The following FOXP2 variants were observed in gnomAD, a reference collection of about 807,000 sequenced individuals.
FOXP2 encodes forkhead box P2, also known as forkhead box protein P2.
FOXP2 carries 12 observed loss-of-function variants against 115.8 expected under a neutral mutation model. That is an observed-to-expected ratio of 0.10 (90% CI 0.07 to 0.17). The LOEUF is 0.17. Ranked by LOEUF, FOXP2 falls within the 10% of genes least tolerant of loss-of-function variation. FOXP2 has a pLI of 1.00. For synonymous variants in FOXP2, 328 were observed against 297.7 expected (o/e 1.10, Z -1.05); for missense variants, 629 against 843.5 (o/e 0.75, Z 3.15).
At chr7:114,109,962 A>C (rs1419310622) in intron 1 of FOXP2, among the ~76,000 whole-genome samples, 1 of 152,170 alleles carries the variant, frequency 6.6e-6, no homozygotes, top group Non-Finnish European at 1.5e-5. Context: ...AAAGTGAAGT[A>C]AGTAATCTAA....
chr7:114,622,448 G>A (rs1450121684), intron 3 of FOXP2, among the ~76,000 whole-genome samples: 1 of 151,870 alleles, frequency 6.6e-6, no homozygotes, highest in Non-Finnish European at 1.5e-5. Context: ...TTACTTCTCT[G>A]CTTTCATCTT....
intron 3 of FOXP2, among the ~76,000 whole-genome samples, chr7:114,548,820 T>C (rs1800060113): frequency 6.6e-6 from 1 of 152,194 alleles, no homozygotes; most frequent in African/African-American, 2.4e-5. Context: ...CTGGATAGTT[T>C]AACTAAATGA....
intron 1 of FOXP2, among the ~76,000 whole-genome samples, chr7:114,423,360 G>T (rs765433864): frequency 1.1e-4 from 16 of 151,536 alleles, no homozygotes; most frequent in Admixed American, 4.6e-4. Context: ...TCTGTACAGT[G>T]ACTTGCTTAA....
At chr7:114,307,689 T>C (rs144619803) in intron 2 of FOXP2, among the ~76,000 whole-genome samples, 1 of 152,300 alleles carries the variant, frequency 6.6e-6, no homozygotes, top group African/African-American at 2.4e-5. Context: ...TCAAAGCCAA[T>C]TGGGCATCAG....
In FOXP2 at chr7:114,691,877, CA is replaced by C. The variant is rs1808683348; in HGVS notation, c.*1955del. The C allele has an allele frequency of 2.3e-6, 1 of 435,476 alleles. No individual in the cohort carries two copies. Among genetic ancestry groups the C allele is most frequent in the Non-Finnish European group, 4.5e-6 (1 of 222,012 alleles). 27.0% of individuals were successfully genotyped at this position (435,476 alleles called of 1,614,324 possible). ...CCAAATAAAAGGACATAACGGCTTT[CA>C]AAAGGGTTTTCCCACTTACCCAAAA... On this transcript the variant is annotated 3_prime_UTR_variant, in exon 17 of 17. Transcript: ENST00000350908.
intron 2 of FOXP2, among the ~76,000 whole-genome samples, chr7:114,478,246 ACT>A (rs1796374247): frequency 6.6e-6 from 1 of 151,728 alleles, no homozygotes; most frequent in Admixed American, 6.6e-5. Context: ...ATTTCACCAA[ACT>A]CTACAATACC....
intron 3 of FOXP2, among the ~76,000 whole-genome samples, chr7:114,611,544 G>A (rs1410050763): frequency 1.3e-5 from 2 of 152,140 alleles, no homozygotes; most frequent in Admixed American, 6.5e-5. Flanking sequence ...GAAGCTTAGG[G>A]AAAAACAACT....
intron 2 of FOXP2, among the ~76,000 whole-genome samples, chr7:114,385,115 G>GGGAAC (rs1175706308): frequency 6.6e-6 from 1 of 151,736 alleles, no homozygotes; most frequent in Non-Finnish European, 1.5e-5. Flanking sequence ...AAGGGTGGTG[G>GGGAAC]GGAACGGGTC....
chr7:114,187,577 C>A (rs950979306), intron 1 of FOXP2, among the ~76,000 whole-genome samples: 1 of 152,196 alleles, frequency 6.6e-6, no homozygotes, highest in African/African-American at 2.4e-5. Context: ...AAAAGAATTG[C>A]CCTTAATGCT....
intron 3 of FOXP2, among the ~76,000 whole-genome samples, chr7:114,547,899 T>C (rs1330800267): frequency 6.6e-6 from 1 of 152,246 alleles, no homozygotes; most frequent in African/African-American, 2.4e-5. Flanking sequence ...ACATGAATTA[T>C]ATATGTTTCC....
chr7:114,203,980 G>A (rs990670275), intron 1 of FOXP2, among the ~76,000 whole-genome samples: 1 of 151,930 alleles, frequency 6.6e-6, no homozygotes, highest in African/African-American at 2.4e-5. Context: ...ATATGTACAT[G>A]TTTTTAAAAA....
At chr7:114,209,693 G>C (rs1794294024) in intron 1 of FOXP2, among the ~76,000 whole-genome samples, 1 of 152,164 alleles carries the variant, frequency 6.6e-6, no homozygotes, top group African/African-American at 2.4e-5. Context: ...ATGTTGGCCT[G>C]TCTTGTTAGG....
In FOXP2 at chr7:114,470,705, A is replaced by G. The variant is rs143311729; in HGVS notation, c.168+44026A>G. On this transcript the variant is annotated intron_variant, in intron 2 of 16. Transcript: ENST00000350908. ...TTGCTTTCCTATGGCTTTAAATACT[A>G]TACAGAATACTTTTTATTATACCCA... is the stretch of plus-strand genomic sequence containing the variant. 2.0e-3 allele frequency among the ~76,000 whole-genome samples: 304 copies of G among 152,224 alleles called. 1 individual carries two copies. The highest frequency in any genetic ancestry group is 3.2e-3 in the Non-Finnish European group (216 of 68,022).
At chr7:114,606,893 T>G (rs898366160) in intron 3 of FOXP2, among the ~76,000 whole-genome samples, 3 of 152,200 alleles carry the variant, frequency 2.0e-5, no homozygotes, top group Non-Finnish European at 4.4e-5. Context: ...TCGCAATTAA[T>G]GGGATTTTTT....
chr7:114,377,057 A>G (rs543778927), intron 2 of FOXP2, among the ~76,000 whole-genome samples: 1 of 152,236 alleles, frequency 6.6e-6, no homozygotes, highest in African/African-American at 2.4e-5. Context: ...AATAATCATC[A>G]CCTATTGGTA....
intron 3 of FOXP2, among the ~76,000 whole-genome samples, chr7:114,618,342 C>T (rs1020899281): frequency 6.6e-6 from 1 of 152,076 alleles, no homozygotes; most frequent in Non-Finnish European, 1.5e-5. Context: ...TAAAACAAAA[C>T]AAAATTACTA....
chr7:114,099,568 C>T (rs1799730771), intron 1 of FOXP2, among the ~76,000 whole-genome samples: 1 of 152,156 alleles, frequency 6.6e-6, no homozygotes, highest in Non-Finnish European at 1.5e-5. Flanking sequence ...TATCTGTACT[C>T]ACATGCTCAT....
At chr7:114,355,408 C>T (rs1315802649) in intron 2 of FOXP2, among the ~76,000 whole-genome samples, 1 of 152,136 alleles carries the variant, frequency 6.6e-6, no homozygotes, top group African/African-American at 2.4e-5. Context: ...ATGCAGTAAC[C>T]ATATCTGTGG....
intron 2 of FOXP2, among the ~76,000 whole-genome samples, chr7:114,291,690 A>G (rs1796593896): frequency 6.6e-6 from 1 of 151,316 alleles, no homozygotes; most frequent in Non-Finnish European, 1.5e-5. Flanking sequence ...CTGCAGTTTT[A>G]GGACTGAGAT....
Sources: gnomAD v4.1 joint callset for allele counts (sites outside exome capture counted in the v4.1 genomes callset) on GRCh38, gnomAD v4.1.1 for gene constraint, MANE v1.5 for transcripts, NCBI Gene and HGNC (gene_info 2026-07-23, HGNC 2026-07-21) for gene names.